Variants in DNMT1 observed in about 807,000 individuals in gnomAD.
The protein encoded by DNMT1 is DNA methyltransferase 1, also known as DNA (cytosine-5)-methyltransferase 1.
Under a neutral mutation model 205.3 loss-of-function variants are expected in DNMT1, and 24 were observed. The ratio of observed to expected loss-of-function variants is 0.12; its 90% CI spans 0.08 to 0.16. The LOEUF (loss-of-function observed/expected upper bound fraction) is 0.16. DNMT1 is among the 10% of genes least tolerant of loss of function. DNMT1 has a pLI of 1.00. For missense variants in DNMT1, 1,293 were observed against 2,177.7 expected, an observed-to-expected ratio of 0.59 and a Z score of 8.09; for synonymous variants, 817 against 839.8, an observed-to-expected ratio of 0.97 and a Z score of 0.47.
intron 27 of DNMT1, among the ~76,000 whole-genome samples, chr19:10,147,088 G>A (rs759729101): frequency 5.3e-5 from 8 of 152,050 alleles, no homozygotes; most frequent in South Asian, 4.2e-4. Context: ...GTGAGACCCC[G>A]TCTCTACAAA....
intron 7 of DNMT1, among the ~76,000 whole-genome samples, chr19:10,174,346 G>A (rs2038889518): frequency 6.6e-6 from 1 of 152,008 alleles, no homozygotes; most frequent in Non-Finnish European, 1.5e-5. Context: ...AGCCCAGGAG[G>A]TTGAGGCTGC....
At chr19:10,174,019 G>T in intron 7 of DNMT1, 114 bp from the exon 8 acceptor site, 1 of 1,036,522 alleles carries the variant, frequency 9.6e-7, no homozygotes, top group Non-Finnish European at 1.5e-6. Flanking sequence ...GAGCAAGAGT[G>T]GGAAAAGAAG....
chr19:10,189,951 C>G (rs2039268023), intron 1 of DNMT1, among the ~76,000 whole-genome samples: 1 of 152,080 alleles, frequency 6.6e-6, no homozygotes, highest in African/African-American at 2.4e-5. Flanking sequence ...AGCCCCACCC[C>G]CTTTTTATAG....
At chr19:10,134,431 T>A in intron 39 of DNMT1, 124 bp from the exon 40 acceptor site, 1 of 857,680 alleles carries the variant, frequency 1.2e-6, no homozygotes, top group Admixed American at 2.3e-5. Context: ...TGGGGAAGGG[T>A]TCTGGTCCTG....
At position 10,146,238 on chromosome 19, in the gene DNMT1, G is replaced by A. The variant is rs2038197411; in HGVS notation, c.2894+113C>T. The A allele has an allele frequency of 2.3e-6, 3 of 1,319,064 alleles. No homozygotes were observed. The East Asian group carries it at 7.2e-5, about 31-fold the overall frequency. The allele number at this position is 1,319,064 out of a possible 1,614,324, so 81.7% of individuals were successfully genotyped here. A position where few individuals can be genotyped will look rare whatever the true frequency, so the allele number is the denominator to read the frequency against. On this transcript the variant is annotated intron_variant, in intron 28 of 40. Transcript: ENST00000359526. This position sits in a 1 kb window ranked among gnomAD's most constrained non-coding sequence, Gnocchi z 4.4. ...CCACCTATGCCAACGTGACGGCTAG[G>A]ACAACAGCTGGTGCGGAGGGATTGG...
intron 27 of DNMT1, among the ~76,000 whole-genome samples, chr19:10,148,251 CT>C (rs2038245329): frequency 6.6e-6 from 1 of 151,112 alleles, no homozygotes; most frequent in Non-Finnish European, 1.5e-5. Context: ...AATCCCAGCA[CT>C]TTGGGAGGCC....
At chr19:10,141,620 GCATGT>G (rs530168166) in intron 30 of DNMT1, 6 of 342,272 alleles carry the variant, frequency 1.8e-5, no homozygotes, top group African/African-American at 4.2e-5. Context: ...ACCCGCACAG[GCATGT>G]GGGCTGGGCC....
rs189214882 is a variant in DNMT1, at chr19:10,159,829, G to C, written c.1170+13C>G. 3.6e-5 allele frequency: 58 copies of C among 1,614,256 alleles called. No homozygotes were observed. The highest frequency in any genetic ancestry group is 4.6e-5 in the Non-Finnish European group (54 of 1,180,048). On this transcript the variant is annotated intron_variant, in intron 16 of 40. Transcript: ENST00000359526. This position sits in a 1 kb window ranked among gnomAD's most constrained non-coding sequence, Gnocchi z 5.0. ...GACAGGCAGAGGAAGGCTGGGAAGA[G>C]AGCTGTACGTACCGCGTCTGGTGGG...
At chr19:10,135,605 T>G in intron 39 of DNMT1, 131 bp downstream of exon 39, 1 of 940,994 alleles carries the variant, frequency 1.1e-6, no homozygotes, top group Non-Finnish European at 1.6e-6. Context: ...GTCTTCCCAC[T>G]GAGAGTGATG....
chr19:10,186,502 C>T (rs1308199848), intron 1 of DNMT1, among the ~76,000 whole-genome samples: 2 of 152,078 alleles, frequency 1.3e-5, no homozygotes, highest in East Asian at 1.9e-4. Context: ...CTTCCTAGTG[C>T]TTCCCTCAGA....
chr19:10,140,733 C>G lies in DNMT1; in HGVS notation c.3523+48G>C, dbSNP rs747636379. 1.9e-6 allele frequency: 3 copies of G among 1,613,564 alleles called. No individual in the cohort carries two copies. Among genetic ancestry groups the G allele is most frequent in the African/African-American group, 2.7e-5 (2 of 74,930 alleles). On this transcript the variant is annotated intron_variant, in intron 32 of 40. Coordinates refer to ENST00000359526, the MANE Select transcript of DNMT1 (RefSeq NM_001130823.3). This position sits in a 1 kb window ranked among gnomAD's most constrained non-coding sequence, Gnocchi z 8.4. ...GAAGTCGTTTCAGGTAGCACCTGCC[C>G]GGTCTGGGCTCACCAGGTATTCAGA...
rs1290169847 is a variant in DNMT1, at chr19:10,155,064, G to C, written c.1493-8C>G. On this transcript the variant is annotated splice_region_variant and splice_polypyrimidine_tract_variant and intron_variant, in intron 19 of 40. Transcript: ENST00000359526. ...GAATGTATTCGGCAAATGCTGGGGT[G>C]AACAGAGGAGGTGTGGAAAAGGGGC... 1 of 1,614,014 alleles carries C rather than the reference G, an allele frequency of 6.2e-7. No individual in the cohort carries two copies. The highest frequency in any genetic ancestry group is 8.5e-7 in the Non-Finnish European group (1 of 1,180,038).
Position 10,151,784 on chromosome 19 carries a change from T to C in DNMT1, c.2083A>G (p.Ser695Gly). The C allele has an allele frequency of 6.2e-7, 1 of 1,614,198 alleles. No individual in the cohort carries two copies. The highest frequency in any genetic ancestry group is 8.5e-7 in the Non-Finnish European group (1 of 1,180,024). Residue 695 changes from serine (S) to glycine (G), a missense_variant, in exon 23 of 41, where the codon AGT becomes GGT. By Grantham distance (56) the Ser-to-Gly change is moderately conservative. Around this residue, in one of 13 missense-constraint regions of DNMT1, gnomAD observed 197 missense variants for 353.6 expected, o/e 0.56. Transcript: ENST00000359526. This position sits in a 1 kb window ranked among gnomAD's most constrained non-coding sequence, Gnocchi z 5.0. ...ACKDMVKFGG[S>G]GRSKQACQER... is the part of the protein sequence containing the mutation. ...TGGCAAGCCTGCTTGCTCCGTCCAC[T>C]GCCACCAAATTTAACCATGTCCTTG...
chr19:10,182,556 T>C (rs146468960), intron 1 of DNMT1, among the ~76,000 whole-genome samples: 9 of 149,460 alleles, frequency 6.0e-5, no homozygotes, highest in African/African-American at 9.8e-5. Flanking sequence ...TGTGTATATA[T>C]ATATACACAC....
Position 10,140,803 on chromosome 19 carries a change from C to T in DNMT1, c.3501G>A (p.Leu1167=), listed in dbSNP as rs1449445065. ...TLDVFSGCGG[L]SEGFHQAGIS... is the part of the protein sequence containing the mutation. ...CACCTGCTTGGTGGAATCCCTCCGA[C>T]AACCCCCCGCAGCCAGAAAACACAT... The change falls in exon 32 of 41, where the codon TTG becomes TTA. Residue 1167 remains leucine (L), a synonymous_variant. Transcript: ENST00000359526. This position sits in a 1 kb window ranked among gnomAD's most constrained non-coding sequence, Gnocchi z 8.4. 6.2e-7 allele frequency: 1 copy of T among 1,614,122 alleles called. No individual in the cohort carries two copies.
At position 10,154,711 on chromosome 19, in the gene DNMT1, G is replaced by A. The variant is rs777372271; in HGVS notation, c.1707C>T (p.His569=). The A allele has an allele frequency of 2.2e-5, 35 of 1,614,140 alleles. No homozygotes were observed. Among genetic ancestry groups the A allele is most frequent in the South Asian group, 3.3e-5 (3 of 91,094 alleles). ...NRFTEDSLLR[H]AQFVVEQVES... ...CCACCTGCTCCACCACAAACTGCGC[G>A]TGTCGCAGGAGGGAGTCCTCTGTGA... The change falls in exon 21 of 41, where the codon CAC becomes CAT. Residue 569 remains histidine, a synonymous_variant. Coordinates refer to ENST00000359526, the MANE Select transcript of DNMT1 (RefSeq NM_001130823.3). This position sits in a 1 kb window ranked among gnomAD's most constrained non-coding sequence, Gnocchi z 6.3.
At chr19:10,182,530 TGTGTATATATAC>T (rs2039088061) in intron 1 of DNMT1, among the ~76,000 whole-genome samples, 1 of 146,642 alleles carries the variant, frequency 6.8e-6, no homozygotes, top group Non-Finnish European at 1.5e-5. Context: ...TATGTGTATA[TGTGTATATATAC>T]ATATGTGTAT....
chr19:10,194,500 C>A (rs532217279), intron 1 of DNMT1: 8 of 251,472 alleles, frequency 3.2e-5, no homozygotes, highest in South Asian at 1.5e-4. Flanking sequence ...CCCGGCCCAC[C>A]GCTGCTTGAA....
chr19:10,169,243 T>C (rs1323930608), intron 9 of DNMT1, among the ~76,000 whole-genome samples: 1 of 151,838 alleles, frequency 6.6e-6, no homozygotes, highest in Non-Finnish European at 1.5e-5. Flanking sequence ...AGGTCAGGAA[T>C]ATTAAGAAAC....
Sources: allele counts gnomAD v4.1 joint callset (sites outside exome capture counted in the v4.1 genomes callset), GRCh38; gene constraint gnomAD v4.1.1; regional missense constraint gnomAD v4.1.1; non-coding constraint Gnocchi (gnomAD v3.1); transcripts MANE v1.5; gene names NCBI Gene and HGNC (gene_info 2026-07-23, HGNC 2026-07-21).